ERICH1: variants seen among roughly 807,000 people sequenced by gnomAD.
ERICH1 encodes the protein glutamate-rich protein 1.
A neutral mutation model predicts 39.6 loss-of-function variants in ERICH1; 56 were observed. The observed-to-expected ratio is 1.41, with a 90% CI of 1.14 to 1.77. ERICH1 has a LOEUF of 1.77. ERICH1 is among the 40% of genes most tolerant of loss of function. ERICH1 has a pLI of 0.00. For synonymous variants in ERICH1, 313 were observed against 223.6 expected, an observed-to-expected ratio of 1.40 and a Z score of -3.57; for missense variants, 826 against 575.4, an observed-to-expected ratio of 1.44 and a Z score of -4.45.
chr8:632,899 T>G (rs944279391), intron 3 of ERICH1, among the ~76,000 whole-genome samples: 2 of 152,200 alleles, frequency 1.3e-5, no homozygotes, highest in Admixed American at 6.5e-5. Flanking sequence ...CACCCCACAG[T>G]GCACAAGACG....
chr8:668,959 A>G lies in ERICH1; in HGVS notation c.1064-167T>C, dbSNP rs183178838. 308 of 653,230 alleles carry G rather than the reference A, an allele frequency of 4.7e-4. 1 individual carries two copies. The East Asian group carries it at 8.1e-3, about 17-fold the overall frequency. 40.5% of individuals were successfully genotyped at this position (653,230 alleles called of 1,614,324 possible). A position where few individuals can be genotyped will look rare whatever the true frequency, so the allele number is the denominator to read the frequency against. ...AGAGAGAATCAGAACAGAGCTCAGC[A>G]CAAAATACCACTGCATGAACGACTG... On this transcript the variant is annotated intron_variant, in intron 4 of 5. Coordinates refer to ENST00000262109, the MANE Select transcript of ERICH1 (RefSeq NM_207332.3).
chr8:699,753 GCA>G (rs1192490024), intron 2 of ERICH1, among the ~76,000 whole-genome samples: 2 of 140,738 alleles, frequency 1.4e-5, no homozygotes, highest in Non-Finnish European at 3.0e-5. Flanking sequence ...ACGCACACGT[GCA>G]CACTCACACA....
At chr8:637,863 G>C (rs62486202) in intron 3 of ERICH1, among the ~76,000 whole-genome samples, 5 of 152,204 alleles carry the variant, frequency 3.3e-5, no homozygotes, top group Admixed American at 2.6e-4. Context: ...CAGCAGCCAG[G>C]GTCCTGCTCT....
At chr8:624,058 A>G (rs1356479487) in intron 3 of ERICH1, among the ~76,000 whole-genome samples, 1 of 152,234 alleles carries the variant, frequency 6.6e-6, no homozygotes, top group Non-Finnish European at 1.5e-5. Flanking sequence ...TCAATAATAA[A>G]AAACCCAACT....
intron 3 of ERICH1, among the ~76,000 whole-genome samples, chr8:651,517 G>A (rs1034168451): frequency 6.6e-6 from 1 of 152,186 alleles, no homozygotes; most frequent in Non-Finnish European, 1.5e-5. Flanking sequence ...AGCCAGCCCG[G>A]AGAGGCTCCC....
chr8:643,966 G>A (rs574840544), intron 3 of ERICH1, among the ~76,000 whole-genome samples: 41 of 152,400 alleles, frequency 2.7e-4, no homozygotes, highest in Admixed American at 5.9e-4. Flanking sequence ...GCACCAGCAC[G>A]GTGGGCCTGA....
intron 1 of ERICH1, among the ~76,000 whole-genome samples, chr8:724,290 A>G (rs1818043603): frequency 6.6e-6 from 1 of 152,242 alleles, no homozygotes; most frequent in African/African-American, 2.4e-5. Context: ...AGCCCGGACA[A>G]CATAGTGAGA....
rs1019416681 is a variant in ERICH1, at chr8:718,025, C to T, written c.23-2018G>A. ...GAACACGCCAGGGTAAGGATCGGAGCGCACTGAGAAACGGCACAACACATC... is the reference window on the plus strand; with the variant it reads ...GAACACGCCAGGGTAAGGATCGGAGTGCACTGAGAAACGGCACAACACATC... On this transcript the variant is annotated intron_variant, in intron 1 of 5. Coordinates refer to ENST00000262109, the MANE Select transcript of ERICH1 (RefSeq NM_207332.3). Among the ~76,000 whole-genome samples, 8 of 152,292 alleles carry T rather than the reference C, an allele frequency of 5.3e-5. No homozygotes were observed. The East Asian group carries it at 5.8e-4, about 11-fold the overall frequency.
At chr8:656,889 G>A (rs1199601493) in intron 3 of ERICH1, 3 of 955,102 alleles carry the variant, frequency 3.1e-6, no homozygotes, top group African/African-American at 1.8e-5. Context: ...TAAACATTAT[G>A]GATTAATTCA....
rs567839030 is a variant in ERICH1 at position 656,890 on chromosome 8, G to A, written c.976+11708C>T. 78 of 954,406 alleles carry A rather than the reference G, an allele frequency of 8.2e-5. No homozygotes were observed. The African/African-American group carries it at 1.3e-3, about 16-fold the overall frequency. The allele number at this position is 954,406 out of a possible 1,614,324, so 59.1% of individuals were successfully genotyped here. A position where few individuals can be genotyped will look rare whatever the true frequency, so the allele number is the denominator to read the frequency against. On this transcript the variant is annotated intron_variant, in intron 3 of 3. Transcript: ENST00000522706. ...ACAAAGCAGAAACTTAAACATTATG[G>A]ATTAATTCATTTAAGATAAACAATA...
downstream of ERICH1, among the ~76,000 whole-genome samples, chr8:659,872 G>T (rs62486243): frequency 2.6e-5 from 2 of 77,192 alleles, 1 homozygote; most frequent in Non-Finnish European, 6.2e-5. Flanking sequence ...TCTCCAGTGT[G>T]CACTGAATAT....
At chr8:703,424 A>G (rs1344816852) in intron 2 of ERICH1, among the ~76,000 whole-genome samples, 1 of 152,108 alleles carries the variant, frequency 6.6e-6, no homozygotes, top group Non-Finnish European at 1.5e-5. Flanking sequence ...CAGACACGAG[A>G]TCTGCTCCAG....
intron 3 of ERICH1, among the ~76,000 whole-genome samples, chr8:687,817 G>A (rs1807820752): frequency 6.6e-6 from 1 of 152,184 alleles, no homozygotes; most frequent in Non-Finnish European, 1.5e-5. Context: ...AGGAATCGGG[G>A]GCGAGGCGCG....
chr8:622,366 C>G (rs1478268449), intron 3 of ERICH1, among the ~76,000 whole-genome samples: 1 of 152,102 alleles, frequency 6.6e-6, no homozygotes, highest in African/African-American at 2.4e-5. Flanking sequence ...CATGAGGGCC[C>G]TGTGAAAATG....
chr8:704,891 G>T (rs971434972), intron 2 of ERICH1, among the ~76,000 whole-genome samples: 1 of 152,146 alleles, frequency 6.6e-6, no homozygotes, highest in Non-Finnish European at 1.5e-5. Context: ...GCAGAACATT[G>T]CTGTTTTTAA....
chr8:727,809 G>A (rs7011127), intron 1 of ERICH1, among the ~76,000 whole-genome samples: 62,489 of 152,076 alleles, frequency 0.41, 13,561 homozygotes, highest in African/African-American at 0.55. Context: ...GGCACCACTG[G>A]ACCACCTTGA....
intron 3 of ERICH1, among the ~76,000 whole-genome samples, chr8:687,899 C>G (rs906554007): frequency 2.0e-5 from 3 of 152,136 alleles, no homozygotes; most frequent in Admixed American, 6.5e-5. Flanking sequence ...TCCGAGGCTT[C>G]CAGCCGAGAC....
chr8:674,967 G>A (rs907451329), intron 3 of ERICH1, among the ~76,000 whole-genome samples: 24 of 152,236 alleles, frequency 1.6e-4, no homozygotes, highest in African/African-American at 5.5e-4. Context: ...AACTACCACT[G>A]TGGTGTTGCG....
At chr8:636,054 G>GA (rs1798411776) in intron 3 of ERICH1, among the ~76,000 whole-genome samples, 1 of 152,238 alleles carries the variant, frequency 6.6e-6, no homozygotes, top group African/African-American at 2.4e-5. Flanking sequence ...GCTCCTTCAT[G>GA]CCATCTCTCA....
Sources: gnomAD v4.1 joint callset for allele counts (sites outside exome capture counted in the v4.1 genomes callset) on GRCh38, gnomAD v4.1.1 for gene constraint, MANE v1.5 for transcripts, NCBI Gene and HGNC (gene_info 2026-07-23, HGNC 2026-07-21) for gene names.